Variants in DLEU7 observed in about 807,000 individuals in gnomAD.
The protein encoded by DLEU7 is leukemia-associated protein 7.
In DLEU7, 17 loss-of-function variants were observed where a neutral mutation model predicts 16.0. The ratio of observed to expected loss-of-function variants is 1.06; its 90% CI spans 0.73 to 1.59. The LOEUF (loss-of-function observed/expected upper bound fraction) is 1.59. Ranked by LOEUF, DLEU7 falls within the 40% of genes most tolerant of loss-of-function variation. The pLI is 0.00. For missense variants in DLEU7, 308 were observed against 314.9 expected, an observed-to-expected ratio of 0.98 and a Z score of 0.17; for synonymous variants, 113 against 139.8, an observed-to-expected ratio of 0.81 and a Z score of 1.35.
chr13:50,822,381 C>T (rs140801519), downstream of DLEU7, among the ~76,000 whole-genome samples: 117 of 151,970 alleles, frequency 7.7e-4, no homozygotes, highest in East Asian at 0.018. Context: ...AAATCTGTTG[C>T]TGTTTCTATT....
rs527771007 is a variant in DLEU7 at position 50,764,671 on chromosome 13, G to T, written c.460-51431C>A. ...ACTGAACAAATTAACACAATGGATT[G>T]TCTTGGAGATGAAGGGGCAGTGTAC... On this transcript the variant is annotated intron_variant, in intron 1 of 1. Coordinates refer to the DLEU7 transcript ENST00000400393. Among the ~76,000 whole-genome samples the T allele has an allele frequency of 3.3e-5, 5 of 152,278 alleles. No homozygotes were observed. The South Asian group carries it at 1.0e-3, about 32-fold the overall frequency.
At chr13:50,786,703 A>T (rs1416366252) in intron 1 of DLEU7, among the ~76,000 whole-genome samples, 1 of 152,244 alleles carries the variant, frequency 6.6e-6, no homozygotes, top group African/African-American at 2.4e-5. Flanking sequence ...TCAAAATGGA[A>T]TTTTTAGAAA....
At chr13:50,722,800 A>T (rs1341797810) in intron 1 of DLEU7, among the ~76,000 whole-genome samples, 1 of 152,216 alleles carries the variant, frequency 6.6e-6, no homozygotes, top group African/African-American at 2.4e-5. Flanking sequence ...AGATGATTAT[A>T]GATTTGCATG....
At position 50,843,432 on chromosome 13, in the gene DLEU7, A is replaced by ACGCCCC. The variant is rs1164552134; in HGVS notation, c.209_214dup (p.Gly70_Gly71dup). The ACGCCCC allele has an allele frequency of 7.6e-7, 1 of 1,316,384 alleles. No individual in the cohort carries two copies. The highest frequency in any genetic ancestry group is 9.6e-7 in the Non-Finnish European group (1 of 1,038,994). The allele number at this position is 1,316,384 out of a possible 1,614,324, so 81.5% of individuals were successfully genotyped here. On this transcript the variant is annotated inframe_insertion, in exon 1 of 2. Transcript: ENST00000504404. The surrounding 1 kb of genome is among the most constrained non-coding windows in gnomAD (Gnocchi z 5.7). Reference sequence around the variant, plus strand: ...CGCGGTCCGCCGACTCCTGGTCCCCACGCCCCCGCCCCGCTCCTCGCGCCC... The same window carrying ACGCCCC: ...CGCGGTCCGCCGACTCCTGGTCCCCACGCCCCCGCCCCCGCCCCGCTCCTCGCGCCC...
chr13:50,749,528 G>A (rs1338321447), intron 1 of DLEU7, among the ~76,000 whole-genome samples: 1 of 152,154 alleles, frequency 6.6e-6, no homozygotes, highest in African/African-American at 2.4e-5. Context: ...TTTCCATAGT[G>A]GCTGTACTAG....
rs1329359252 is a variant in DLEU7, at chr13:50,843,512, G to A, written c.135C>T (p.His45=). ...AGCGACGGGCTGGAGCGGTGGACAC[G>A]TGGTCTGGGTCCCGCGGGTTCCCGG... The part of the protein sequence containing the change: ...VAPGNPRDPD[H]VSTAPARRSG... The change falls in exon 1 of 2, where the codon CAC becomes CAT. Residue 45 remains histidine, a synonymous_variant. Coordinates refer to ENST00000504404, the MANE Select transcript of DLEU7 (RefSeq NM_001306135.2). This position sits in a 1 kb window ranked among gnomAD's most constrained non-coding sequence, Gnocchi z 5.7. The A allele has an allele frequency of 1.4e-6, 2 of 1,410,644 alleles. No individual in the cohort carries two copies. Among genetic ancestry groups the A allele is most frequent in the East Asian group, 3.1e-5 (1 of 32,536 alleles). The allele number at this position is 1,410,644 out of a possible 1,614,324, so 87.4% of individuals were successfully genotyped here.
intron 1 of DLEU7, among the ~76,000 whole-genome samples, chr13:50,771,918 T>C (rs1470867036): frequency 6.6e-6 from 1 of 152,178 alleles, no homozygotes; most frequent in East Asian, 1.9e-4. Context: ...TGTAGGTCTC[T>C]AAGGACTTGC....
At chr13:50,744,678 G>T (rs995871673) in intron 1 of DLEU7, among the ~76,000 whole-genome samples, 1 of 152,118 alleles carries the variant, frequency 6.6e-6, no homozygotes, top group African/African-American at 2.4e-5. Flanking sequence ...ATCTAATAAT[G>T]AATTAATATG....
intron 1 of DLEU7, among the ~76,000 whole-genome samples, chr13:50,750,249 ACTTGGATTTATTT>A (rs1874523619): frequency 6.6e-6 from 1 of 152,060 alleles, no homozygotes; most frequent in South Asian, 2.1e-4. Flanking sequence ...GGCTATAAGT[ACTTGGATTTATTT>A]CTAGGTTCTC....
At chr13:50,752,189 C>A (rs1246371038) in intron 1 of DLEU7, among the ~76,000 whole-genome samples, 1 of 151,618 alleles carries the variant, frequency 6.6e-6, no homozygotes, top group Non-Finnish European at 1.5e-5. Flanking sequence ...GTAGCTGGGA[C>A]TACAGGCGCC....
At chr13:50,720,252 A>G (rs1342987677) in intron 1 of DLEU7, among the ~76,000 whole-genome samples, 1 of 152,200 alleles carries the variant, frequency 6.6e-6, no homozygotes, top group Non-Finnish European at 1.5e-5. Context: ...CTGAGAGTCA[A>G]GGGGCATAGA....
At chr13:50,773,077 A>C (rs548475799) in intron 1 of DLEU7, among the ~76,000 whole-genome samples, 2 of 152,244 alleles carry the variant, frequency 1.3e-5, no homozygotes, top group East Asian at 3.9e-4. Flanking sequence ...AAACTTGTGC[A>C]TGCGTCACGT....
chr13:50,720,730 GA>G (rs1460257898), intron 1 of DLEU7, among the ~76,000 whole-genome samples: 2 of 152,100 alleles, frequency 1.3e-5, no homozygotes, highest in African/African-American at 2.4e-5. Context: ...TACTTAATTT[GA>G]CATGATAAAC....
intron 1 of DLEU7, among the ~76,000 whole-genome samples, chr13:50,768,408 T>C (rs929873465): frequency 6.6e-6 from 1 of 151,756 alleles, no homozygotes; most frequent in Admixed American, 6.6e-5. Flanking sequence ...TTATATTAGG[T>C]ATTTCTTCTA....
At chr13:50,788,950 G>A (rs972252728) in intron 1 of DLEU7, among the ~76,000 whole-genome samples, 1 of 152,134 alleles carries the variant, frequency 6.6e-6, no homozygotes, top group Admixed American at 6.5e-5. Context: ...CGAGGAAAGA[G>A]CAGCTTCTAG....
chr13:50,807,826 G>A (rs533802787), intron 1 of DLEU7: 1 of 152,266 alleles, frequency 6.6e-6, no homozygotes, highest in South Asian at 2.1e-4. Flanking sequence ...GATGATGCCT[G>A]GCTAAAGGGA....
At chr13:50,743,251 G>A (rs1225728332) in intron 1 of DLEU7, among the ~76,000 whole-genome samples, 1 of 152,082 alleles carries the variant, frequency 6.6e-6, no homozygotes, top group East Asian at 1.9e-4. Context: ...ATATTCTGGT[G>A]GACAGGTTGT....
At chr13:50,757,970 G>A (rs1220828391) in intron 1 of DLEU7, among the ~76,000 whole-genome samples, 1 of 150,084 alleles carries the variant, frequency 6.7e-6, no homozygotes, top group African/African-American at 2.5e-5. Context: ...AATATGGTAA[G>A]TGTGAAATAT....
At chr13:50,811,489 A>G (rs1876565245) in intron 1 of DLEU7, among the ~76,000 whole-genome samples, 1 of 152,094 alleles carries the variant, frequency 6.6e-6, no homozygotes, top group African/African-American at 2.4e-5. Flanking sequence ...CCCAGAAAGG[A>G]TTGTGATGAT....
Sources: gnomAD v4.1 joint callset for allele counts (sites outside exome capture counted in the v4.1 genomes callset) on GRCh38, gnomAD v4.1.1 for gene constraint, Gnocchi (gnomAD v3.1) non-coding constraint, MANE v1.5 for transcripts, NCBI Gene and HGNC (gene_info 2026-07-23, HGNC 2026-07-21) for gene names.